Variants in SYT16 observed in about 807,000 individuals in gnomAD.
SYT16 encodes the protein synaptotagmin-16.
SYT16 carries 42 observed loss-of-function variants against 61.4 expected under a neutral mutation model. The observed-to-expected ratio is 0.68, with a 90% CI of 0.53 to 0.89. The LOEUF is 0.89. Ranked by LOEUF, SYT16 falls within the 40% of genes least tolerant of loss-of-function variation. The pLI, the probability that SYT16 is intolerant of heterozygous loss-of-function variation, is 0.00. For synonymous variants in SYT16, 314 were observed against 302.3 expected, an observed-to-expected ratio of 1.04 and a Z score of -0.40; for missense variants, 804 against 807.3, an observed-to-expected ratio of 1.00 and a Z score of 0.05.
intron 1 of SYT16, among the ~76,000 whole-genome samples, chr14:61,850,945 G>A (rs1221319307): frequency 6.6e-6 from 1 of 152,068 alleles, no homozygotes; most frequent in Admixed American, 6.6e-5. Context: ...TACAAGATGT[G>A]CAGGTTTGTT....
chr14:62,010,384 A>C (rs2053397617), intron 3 of SYT16, among the ~76,000 whole-genome samples: 1 of 152,204 alleles, frequency 6.6e-6, no homozygotes, highest in South Asian at 2.1e-4. Flanking sequence ...CTCTCTGAGA[A>C]GGCAGCATGT....
rs561317619 is a variant in SYT16, at chr14:61,845,871, T to C, written c.-325+33061T>C. Among the ~76,000 whole-genome samples, 5 of 152,340 alleles carry C rather than the reference T, an allele frequency of 3.3e-5. No individual in the cohort carries two copies. The East Asian group carries it at 5.8e-4, about 18-fold the overall frequency. The stretch of plus-strand genomic sequence containing the variant: ...CTCACAGGTTTTGGTATGGGACTTA[T>C]GTGTTTCCATTATCATTTGTTTCAA... On this transcript the variant is annotated intron_variant, in intron 1 of 7. Transcript: ENST00000683842.
intron 1 of SYT16, among the ~76,000 whole-genome samples, chr14:61,915,077 A>G (rs2049069045): frequency 6.6e-6 from 1 of 151,954 alleles, no homozygotes; most frequent in Non-Finnish European, 1.5e-5. Context: ...TATTTTTTTC[A>G]TGGATTTGTA....
At chr14:61,979,455 G>A (rs2051962256) in intron 2 of SYT16, among the ~76,000 whole-genome samples, 1 of 152,076 alleles carries the variant, frequency 6.6e-6, no homozygotes, top group Non-Finnish European at 1.5e-5. Flanking sequence ...CAGAGTCTAG[G>A]TTCCATCACC....
chr14:61,907,398 A>T (rs2048763967), intron 1 of SYT16, among the ~76,000 whole-genome samples: 1 of 152,222 alleles, frequency 6.6e-6, no homozygotes, highest in Non-Finnish European at 1.5e-5. Context: ...AAATTACCCC[A>T]CAAGTTGGCA....
chr14:61,944,310 A>G (rs1218763844), intron 1 of SYT16, among the ~76,000 whole-genome samples: 1 of 152,242 alleles, frequency 6.6e-6, no homozygotes, highest in African/African-American at 2.4e-5. Flanking sequence ...CATATTGCCC[A>G]AAGTAATTTG....
intron 3 of SYT16, among the ~76,000 whole-genome samples, chr14:62,004,264 G>A (rs551866170): frequency 3.7e-4 from 57 of 152,224 alleles, no homozygotes; most frequent in Non-Finnish European, 6.0e-4. Context: ...GAGAGAGAGC[G>A]CACAAGCGAG....
intron 3 of SYT16, among the ~76,000 whole-genome samples, chr14:62,032,182 T>C (rs970271433): frequency 6.6e-6 from 1 of 151,980 alleles, no homozygotes; most frequent in Non-Finnish European, 1.5e-5. Context: ...AAAAGAAGGG[T>C]AGAAGCTTAA....
At chr14:61,961,331 C>T (rs985572182) in intron 1 of SYT16, among the ~76,000 whole-genome samples, 2 of 152,112 alleles carry the variant, frequency 1.3e-5, no homozygotes, top group Non-Finnish European at 2.9e-5. Flanking sequence ...AGTAAACTAA[C>T]AACCTACAGA....
chr14:62,057,416 G>T (rs908339058), intron 3 of SYT16, among the ~76,000 whole-genome samples: 2 of 152,190 alleles, frequency 1.3e-5, no homozygotes, highest in Non-Finnish European at 2.9e-5. Flanking sequence ...GGACAGGGAA[G>T]AGGGTCCAAT....
intron 1 of SYT16, among the ~76,000 whole-genome samples, chr14:61,916,041 C>CT (rs1406226135): frequency 6.6e-6 from 1 of 152,144 alleles, no homozygotes; most frequent in African/African-American, 2.4e-5. Context: ...TGATTCTTTG[C>CT]TGTTGCATGT....
intron 7 of SYT16, among the ~76,000 whole-genome samples, chr14:62,095,904 G>A (rs1042649445): frequency 1.3e-5 from 2 of 151,960 alleles, no homozygotes; most frequent in African/African-American, 2.4e-5. Context: ...ATCAAGACAT[G>A]TTATAAAATG....
chr14:61,949,532 T>G (rs376701139), intron 1 of SYT16, among the ~76,000 whole-genome samples: 1 of 152,158 alleles, frequency 6.6e-6, no homozygotes, highest in South Asian at 2.1e-4. Context: ...CATAGTGCAC[T>G]AAAGCCTTCA....
intron 1 of SYT16, among the ~76,000 whole-genome samples, chr14:61,844,789 A>G (rs533642126): frequency 5.3e-5 from 8 of 152,194 alleles, no homozygotes; most frequent in African/African-American, 1.7e-4. Flanking sequence ...ATTTGGTAAT[A>G]TTTTGTTGAG....
chr14:62,088,700 G>A (rs748999983), intron 7 of SYT16, among the ~76,000 whole-genome samples: 3 of 152,022 alleles, frequency 2.0e-5, no homozygotes, highest in Non-Finnish European at 2.9e-5. Context: ...GAGCAACAAT[G>A]GCTACAATTA....
intron 1 of SYT16, among the ~76,000 whole-genome samples, chr14:61,871,112 C>T (rs931542416): frequency 6.6e-6 from 1 of 152,176 alleles, no homozygotes. Flanking sequence ...TGCTTTTAAA[C>T]CTTTTTAGAT....
At chr14:61,973,460 C>T (rs1326312316) in intron 2 of SYT16, among the ~76,000 whole-genome samples, 1 of 151,870 alleles carries the variant, frequency 6.6e-6, no homozygotes, top group African/African-American at 2.4e-5. Context: ...ATGTAATGTT[C>T]TTGTGTTGCT....
intron 1 of SYT16, among the ~76,000 whole-genome samples, chr14:61,864,250 A>C (rs1410496211): frequency 6.6e-6 from 1 of 152,250 alleles, no homozygotes; most frequent in Non-Finnish European, 1.5e-5. Flanking sequence ...GACGTTGTCC[A>C]ACGTGAGGAG....
chr14:61,986,690 G>C (rs2052331929), intron 2 of SYT16, among the ~76,000 whole-genome samples: 1 of 151,918 alleles, frequency 6.6e-6, no homozygotes, highest in South Asian at 2.1e-4. Flanking sequence ...TCATAGATTT[G>C]AATGTGGGAA....
Sources: gnomAD v4.1 joint callset for allele counts (sites outside exome capture counted in the v4.1 genomes callset) on GRCh38, gnomAD v4.1.1 for gene constraint, MANE v1.5 for transcripts, NCBI Gene and HGNC (gene_info 2026-07-23, HGNC 2026-07-21) for gene names.